The following KIF1A variants were observed in gnomAD, a reference collection of about 807,000 sequenced individuals.
KIF1A encodes the protein kinesin-like protein KIF1A.
Under a neutral mutation model 227.3 loss-of-function variants are expected in KIF1A, and 46 were observed. The observed-to-expected ratio is 0.20, with a 90% CI of 0.16 to 0.26. The LOEUF (loss-of-function observed/expected upper bound fraction) is 0.26, where lower values mean the gene tolerates loss of function less well. Ranked by LOEUF, KIF1A falls within the 10% of genes least tolerant of loss-of-function variation. KIF1A has a pLI of 1.00. For synonymous variants in KIF1A, 1,022 were observed against 1,012.8 expected (o/e 1.01, Z -0.17); for missense variants, 1,683 against 2,485.9 (o/e 0.68, Z 6.87).
At position 240,771,005 on chromosome 2, in the gene KIF1A, G is replaced by A. The variant is rs1372206358; in HGVS notation, c.1307C>T (p.Ala436Val). 3 of 1,612,576 alleles carry A rather than the reference G, an allele frequency of 1.9e-6. No homozygotes were observed. Among genetic ancestry groups the A allele is most frequent in the Non-Finnish European group, 2.5e-6 (3 of 1,179,852 alleles). The change falls in exon 15 of 49, where the codon GCC (alanine) becomes GTC (valine). Residue 436 changes from alanine to valine, a missense_variant. By Grantham distance (64) the Ala-to-Val change is moderately conservative (BLOSUM62 0). Coordinates refer to ENST00000498729, the MANE Select transcript of KIF1A (RefSeq NM_001244008.2). ...TTCAATGGCCTCCTCGCTGCCCGGGGCAAACAAGATGCGCTCGTGGAGGCT... is the reference window on the plus strand; with the variant it reads ...TTCAATGGCCTCCTCGCTGCCCGGGACAAACAAGATGCGCTCGTGGAGGCT... ...VSSLHERILF[A>V]PGSEEAIERL...
chr2:240,782,449 C>T, intron 10 of KIF1A, 141 bp downstream of exon 10: 1 of 1,035,176 alleles, frequency 9.7e-7, no homozygotes, highest in Middle Eastern at 3.0e-4. Flanking sequence ...CCGCTTTCTT[C>T]CTTCCCGGGA....
chr2:240,734,578 G>A, intron 38 of KIF1A: 1 of 460,712 alleles, frequency 2.2e-6, no homozygotes. Context: ...AGGAACAGGA[G>A]GACAGGTGAG....
intron 40 of KIF1A, 196 bp from the exon 41 acceptor site, chr2:240,724,232 G>A (rs1575523023): frequency 1.3e-5 from 8 of 623,672 alleles, no homozygotes; most frequent in South Asian, 1.1e-4. Context: ...GAGAAAAGAT[G>A]CATTGGCTGG....
intron 1 of KIF1A, among the ~76,000 whole-genome samples, chr2:240,816,149 A>AGTGT (rs71282124): frequency 0.035 from 5,257 of 150,202 alleles, 309 homozygotes; most frequent in African/African-American, 0.12. Context: ...AGGGATGCAG[A>AGTGT]GTGTGTGTGT....
At chr2:240,796,541 C>G (rs1011006799) in intron 2 of KIF1A, among the ~76,000 whole-genome samples, 1 of 152,202 alleles carries the variant, frequency 6.6e-6, no homozygotes, top group African/African-American at 2.4e-5. Context: ...TGCTCAAATC[C>G]TCATCTCTGG....
rs1343042027 is a variant in KIF1A, at chr2:240,714,748, T to C, written c.*2616A>G. 2.0e-5 allele frequency: 3 copies of C among 152,358 alleles called. No individual in the cohort carries two copies. In the East Asian group the frequency reaches 5.8e-4, roughly 29 times the overall value. The allele number at this position is 152,358 out of a possible 1,614,324, so 9.4% of individuals were successfully genotyped here. On this transcript the variant is annotated 3_prime_UTR_variant, in exon 49 of 49. Coordinates refer to ENST00000498729, the MANE Select transcript of KIF1A (RefSeq NM_001244008.2). ...GTGTCCTGACTCAGGCGGCCTCCTC[T>C]CACCATCAACTCTGAGTTTCTGGGT...
rs760822417 is a variant in KIF1A, at chr2:240,737,014, A to G, written c.4007+49T>C. 6 of 1,473,714 alleles carry G rather than the reference A, an allele frequency of 4.1e-6. 1 individual carries two copies. In the South Asian group the frequency reaches 6.8e-5, roughly 17 times the overall value. 91.3% of individuals were successfully genotyped at this position (1,473,714 alleles called of 1,614,324 possible). Reference sequence around the variant, plus strand: ...GTGCCGGGTTGGCTGAGGGCCTGGCAGGCTGGGAACATGCCCTGGGCCCTG... The same window carrying G: ...GTGCCGGGTTGGCTGAGGGCCTGGCGGGCTGGGAACATGCCCTGGGCCCTG... On this transcript the variant is annotated intron_variant, in intron 38 of 48. Coordinates refer to ENST00000498729, the MANE Select transcript of KIF1A (RefSeq NM_001244008.2).
intron 6 of KIF1A, among the ~76,000 whole-genome samples, chr2:240,785,981 C>T (rs2054694595): frequency 6.6e-6 from 1 of 152,164 alleles, no homozygotes; most frequent in African/African-American, 2.4e-5. Context: ...GCCCCCTGAC[C>T]CCAGCACACT....
chr2:240,724,273 T>G (rs2045734335), intron 40 of KIF1A: 2 of 556,686 alleles, frequency 3.6e-6, no homozygotes, highest in Admixed American at 6.0e-5. Flanking sequence ...GGCTGTGACG[T>G]GAGGCCAGGC....
upstream of KIF1A, among the ~76,000 whole-genome samples, chr2:240,821,236 G>C (rs1437131457): frequency 6.6e-6 from 1 of 152,208 alleles, no homozygotes; most frequent in African/African-American, 2.4e-5. Flanking sequence ...GGGCATCCTG[G>C]CGTCGCCTGG....
chr2:240,718,675 G>A (rs935018394), intron 47 of KIF1A, among the ~76,000 whole-genome samples: 2 of 152,230 alleles, frequency 1.3e-5, no homozygotes, highest in Non-Finnish European at 2.9e-5. Context: ...GCCCATTCCT[G>A]CAGGGCTGGT....
At chr2:240,764,330 G>A (rs937298971) in intron 20 of KIF1A, among the ~76,000 whole-genome samples, 1 of 152,090 alleles carries the variant, frequency 6.6e-6, no homozygotes, top group Admixed American at 6.5e-5. Context: ...AGCCCCACAG[G>A]CACCAGGGCC....
At chr2:240,797,299 G>A (rs577046399) in intron 2 of KIF1A, among the ~76,000 whole-genome samples, 7 of 152,328 alleles carry the variant, frequency 4.6e-5, no homozygotes, top group Non-Finnish European at 8.8e-5. Flanking sequence ...GACGACGGAG[G>A]CAGAGACTAG....
Position 240,766,749 on chromosome 2 carries a change from T to TCTCTCTCTCTCTCACA in KIF1A, c.1684+165_1684+166insTGTGAGAGAGAGAGAG, listed in dbSNP as rs1454271542. Among the ~76,000 whole-genome samples, 45 of 109,018 alleles carry TCTCTCTCTCTCTCACA rather than the reference T, an allele frequency of 4.1e-4. No homozygotes were observed. Among genetic ancestry groups the TCTCTCTCTCTCTCACA allele is most frequent in the Middle Eastern group, 5.6e-3 (1 of 178 alleles). 71.5% of individuals were successfully genotyped at this position (109,018 alleles called of 152,430 possible). A position where few individuals can be genotyped will look rare whatever the true frequency, so the allele number is the denominator to read the frequency against. ...CTCTCTCTCTCTCTCTCTCTCTCTCTCACACACACACACACACACACACAC... is the reference window on the plus strand; with the variant it reads ...CTCTCTCTCTCTCTCTCTCTCTCTCTCTCTCTCTCTCTCACACACACACACACACACACACACACAC... On this transcript the variant is annotated intron_variant, in intron 19 of 48. Coordinates refer to ENST00000498729, the MANE Select transcript of KIF1A (RefSeq NM_001244008.2). The surrounding 1 kb of genome is among the most constrained non-coding windows in gnomAD (Gnocchi z 5.0).
chr2:240,811,950 G>A (rs2057898049), intron 1 of KIF1A, among the ~76,000 whole-genome samples: 1 of 151,964 alleles, frequency 6.6e-6, no homozygotes, highest in Non-Finnish European at 1.5e-5. Context: ...GGGGGATGGT[G>A]GCCATCCATG....
At chr2:240,820,234 G>C, upstream of KIF1A, 1 of 149,584 alleles carries the variant, frequency 6.7e-6, no homozygotes, top group East Asian at 1.9e-4. The surrounding 1 kb of genome is among the most constrained non-coding windows in gnomAD (Gnocchi z 6.2). Flanking sequence ...GCGCCGCCGC[G>C]TGACGGGCTG....
At chr2:240,724,370 C>T (rs979746041) in intron 40 of KIF1A, 45 of 386,070 alleles carry the variant, frequency 1.2e-4, no homozygotes, top group African/African-American at 6.9e-4. Flanking sequence ...CCCTCCACGG[C>T]GTCGAGAGCC....
In KIF1A at chr2:240,790,952, C is replaced by T. The variant is rs544078772; in HGVS notation, c.107-1640G>A. ...ATGGCAGTTCAGGGCACTGAGACCCCCTCTGGCCAAGCGTCTTGCTGACAG... is the reference window on the plus strand; with the variant it reads ...ATGGCAGTTCAGGGCACTGAGACCCTCTCTGGCCAAGCGTCTTGCTGACAG... On this transcript the variant is annotated intron_variant, in intron 2 of 48. Coordinates refer to ENST00000498729, the MANE Select transcript of KIF1A (RefSeq NM_001244008.2). This position sits in a 1 kb window ranked among gnomAD's most constrained non-coding sequence, Gnocchi z 5.0. 9.9e-5 allele frequency among the ~76,000 whole-genome samples: 15 copies of T among 152,276 alleles called. No homozygotes were observed.
At chr2:240,745,658 C>A (rs1208727279) in intron 31 of KIF1A, 80 bp downstream of exon 31, 2 of 1,546,888 alleles carry the variant, frequency 1.3e-6, no homozygotes, top group African/African-American at 2.7e-5. Context: ...TGGCCTGCTC[C>A]CTGCCCAGCA....
Sources: gnomAD v4.1 joint callset for allele counts (sites outside exome capture counted in the v4.1 genomes callset) on GRCh38, gnomAD v4.1.1 for gene constraint, Gnocchi (gnomAD v3.1) non-coding constraint, MANE v1.5 for transcripts, NCBI Gene and HGNC (gene_info 2026-07-23, HGNC 2026-07-21) for gene names.